Variants in GPD1L observed in about 807,000 individuals in gnomAD.
GPD1L encodes glycerol-3-phosphate dehydrogenase 1-like protein.
A neutral mutation model predicts 32.9 loss-of-function variants in GPD1L; 17 were observed. The ratio of observed to expected loss-of-function variants is 0.52; its 90% confidence interval spans 0.35 to 0.78. The LOEUF (loss-of-function observed/expected upper bound fraction) is 0.78. Ranked by LOEUF, GPD1L falls within the 30% of genes least tolerant of loss-of-function variation. GPD1L has a pLI of 0.01. For synonymous variants in GPD1L, 187 were observed against 165.9 expected, an observed-to-expected ratio of 1.13 and a Z score of -0.98; for missense variants, 361 against 447.8, an observed-to-expected ratio of 0.81 and a Z score of 1.75.
intron 7 of GPD1L, among the ~76,000 whole-genome samples, chr3:32,161,740 G>T (rs1365006676): frequency 6.6e-6 from 1 of 152,200 alleles, no homozygotes; most frequent in East Asian, 1.9e-4. Flanking sequence ...TCTGCTCTGA[G>T]CAGACATCTC....
intron 5 of GPD1L, among the ~76,000 whole-genome samples, chr3:32,150,480 TCTTTTTTTTCTTAACAA>T (rs1559580303): frequency 6.6e-6 from 1 of 150,700 alleles, no homozygotes; most frequent in East Asian, 1.9e-4. Flanking sequence ...AGTCTAGTGG[TCTTTTTTTTCTTAACAA>T]CTTTTTTTTT....
rs191563403 is a variant in GPD1L, at chr3:32,137,905, C to T, written c.226-682C>T. Among the ~76,000 whole-genome samples, 315 of 152,300 alleles carry T rather than the reference C, an allele frequency of 2.1e-3. 5 individuals carry two copies. The highest frequency in any genetic ancestry group is 0.02 in the Admixed American group (299 of 15,296). ...GGGGCCATGGGGTCGAGGGAATCAA[C>T]AGGGGTTGGTGAAGTGCTCGGAGAT... On this transcript the variant is annotated intron_variant, in intron 2 of 7. Coordinates refer to ENST00000282541, the MANE Select transcript of GPD1L (RefSeq NM_015141.4).
chr3:32,164,155 C>A (rs11129499), intron 7 of GPD1L, among the ~76,000 whole-genome samples: 2 of 151,988 alleles, frequency 1.3e-5, no homozygotes, highest in Non-Finnish European at 2.9e-5. Flanking sequence ...GGTGAGTAGT[C>A]TCTTCCAACC....
chr3:32,138,968 C>T (rs894507501), intron 3 of GPD1L, among the ~76,000 whole-genome samples: 1 of 152,146 alleles, frequency 6.6e-6, no homozygotes, highest in Non-Finnish European at 1.5e-5. Context: ...TGTGCCGCCC[C>T]TTCCAGTCCA....
At position 32,116,553 on chromosome 3, in the gene GPD1L, G is replaced by T. The variant is rs114887658; in HGVS notation, c.47+9795G>T. ...GTGTTGAGAAGGATTCTGGGGAAGA[G>T]AGTAGCTTTGCCAGGAAAGGGTGCT... On this transcript the variant is annotated intron_variant, in intron 1 of 7. Transcript: ENST00000282541. 6.9e-3 allele frequency among the ~76,000 whole-genome samples: 1,011 copies of T among 146,720 alleles called. 7 individuals carry two copies. The highest frequency in any genetic ancestry group is 0.024 in the African/African-American group (960 of 40,684).
At chr3:32,138,508 T>C in intron 2 of GPD1L, 79 bp from the exon 3 acceptor site, 2 of 1,295,822 alleles carry the variant, frequency 1.5e-6, no homozygotes, top group South Asian at 1.2e-5. Context: ...ATCTGATAAA[T>C]GGTCAGTGAG....
At chr3:32,131,248 T>C (rs1356151798) in intron 2 of GPD1L, among the ~76,000 whole-genome samples, 1 of 152,144 alleles carries the variant, frequency 6.6e-6, no homozygotes, top group Non-Finnish European at 1.5e-5. Flanking sequence ...TGCCTCCTTT[T>C]TAAAAAACTG....
chr3:32,138,936 C>T (rs1032101167), intron 3 of GPD1L, among the ~76,000 whole-genome samples: 1 of 152,096 alleles, frequency 6.6e-6, no homozygotes, highest in Non-Finnish European at 1.5e-5. Flanking sequence ...AGCAGACTAG[C>T]AGCAGCAGTG....
In GPD1L at chr3:32,121,782, T is replaced by TA. The variant is rs199832480; in HGVS notation, c.48-6294_48-6293insA. 8.8e-3 allele frequency among the ~76,000 whole-genome samples: 1,056 copies of TA among 120,244 alleles called. 11 individuals carry two copies. The highest frequency in any genetic ancestry group is 0.029 in the African/African-American group (953 of 33,096). The allele number at this position is 120,244 out of a possible 152,430, so 78.9% of individuals were successfully genotyped here. A position where few individuals can be genotyped will look rare whatever the true frequency, so the allele number is the denominator to read the frequency against. ...ATATATATTTCTATATATATATATA[T>TA]TTTTTTTAGGCAGAGTTTTGCTCTT... is the stretch of plus-strand genomic sequence containing the variant. On this transcript the variant is annotated intron_variant, in intron 1 of 7. Transcript: ENST00000282541.
chr3:32,138,399 G>A (rs1029593202), intron 2 of GPD1L, among the ~76,000 whole-genome samples, 188 bp from the exon 3 acceptor site: 3 of 152,142 alleles, frequency 2.0e-5, no homozygotes, highest in Non-Finnish European at 2.9e-5. Flanking sequence ...GGTGACAGAG[G>A]CAAACCCTCT....
At chr3:32,163,864 T>C (rs1023238623) in intron 7 of GPD1L, among the ~76,000 whole-genome samples, 5 of 152,180 alleles carry the variant, frequency 3.3e-5, no homozygotes, top group Non-Finnish European at 7.3e-5. Context: ...TAACAGGGAA[T>C]ATGGAGGTGA....
In GPD1L at chr3:32,138,708, TG is replaced by T; in HGVS notation, c.350del (p.Gly117GlufsTer8). 1 of 1,614,090 alleles carries T rather than the reference TG, an allele frequency of 6.2e-7. No homozygotes were observed. Among genetic ancestry groups the T allele is most frequent in the Non-Finnish European group, 8.5e-7 (1 of 1,179,986 alleles). ...ACTGGGAGAGTGCCCAAGAAAGCGC[TG>T]GGAATCACCCTCATCAAGGTAACTC... is the stretch of plus-strand genomic sequence containing the variant. Reference protein sequence around the residue: ...EITGRVPKKALGITLIKGIDE... With the variant: ...EITGRVPKKAXGITLIKGIDE... On this transcript the variant is annotated frameshift_variant, in exon 3 of 8. Transcript: ENST00000282541. LOFTEE classifies it high-confidence loss of function.
chr3:32,154,327 G>A (rs1327507517), intron 5 of GPD1L, among the ~76,000 whole-genome samples: 1 of 152,174 alleles, frequency 6.6e-6, no homozygotes, highest in Non-Finnish European at 1.5e-5. Flanking sequence ...CCACAGAGGA[G>A]CTGTGAGGGA....
chr3:32,161,276 T>C (rs1206455046), intron 7 of GPD1L, among the ~76,000 whole-genome samples: 1 of 152,276 alleles, frequency 6.6e-6, no homozygotes, highest in East Asian at 1.9e-4. Context: ...AATTTGCACT[T>C]TATTTTTCTG....
At chr3:32,153,291 A>G (rs1403991775) in intron 5 of GPD1L, among the ~76,000 whole-genome samples, 3 of 152,214 alleles carry the variant, frequency 2.0e-5, no homozygotes, top group Non-Finnish European at 1.5e-5. Flanking sequence ...CATGCTAGCC[A>G]CTAGACATAT....
chr3:32,129,526 G>A (rs1244011555), intron 2 of GPD1L, among the ~76,000 whole-genome samples: 2 of 152,154 alleles, frequency 1.3e-5, no homozygotes, highest in African/African-American at 4.8e-5. Flanking sequence ...ATATAGTGGA[G>A]GAAACCAAGA....
At chr3:32,151,286 C>G (rs1385148600) in intron 5 of GPD1L, 1 of 611,026 alleles carries the variant, frequency 1.6e-6, no homozygotes, top group Non-Finnish European at 3.0e-6. Flanking sequence ...ATGCTCCATA[C>G]ACCCATTAAT....
In GPD1L at chr3:32,166,695, C is replaced by T. The variant is rs557211834; in HGVS notation, c.*785C>T. 1.3e-5 allele frequency: 2 copies of T among 152,632 alleles called. No individual in the cohort carries two copies. The highest frequency in any genetic ancestry group is 2.9e-5 in the Non-Finnish European group (2 of 68,406). 9.5% of individuals were successfully genotyped at this position (152,632 alleles called of 1,614,324 possible). A position where few individuals can be genotyped will look rare whatever the true frequency, so the allele number is the denominator to read the frequency against. On this transcript the variant is annotated 3_prime_UTR_variant, in exon 8 of 8. Transcript: ENST00000282541. ...AACATTTATCTTAAACATCACAGATCCACTGGGGGGTGCAAGGGGCTACTG... is the reference window on the plus strand; with the variant it reads ...AACATTTATCTTAAACATCACAGATTCACTGGGGGGTGCAAGGGGCTACTG...
chr3:32,108,822 CT>C (rs1329456642), intron 1 of GPD1L, among the ~76,000 whole-genome samples: 3 of 152,202 alleles, frequency 2.0e-5, no homozygotes. Context: ...TTAATTTGGA[CT>C]TTCAGCTTGG....
Sources: gnomAD v4.1 joint callset for allele counts (sites outside exome capture counted in the v4.1 genomes callset) on GRCh38, gnomAD v4.1.1 for gene constraint, MANE v1.5 for transcripts, NCBI Gene and HGNC (gene_info 2026-07-23, HGNC 2026-07-21) for gene names.